Variants in GREB1L observed in about 807,000 individuals in gnomAD.
GREB1L encodes the protein GREB1 like retinoic acid receptor coactivator.
A neutral mutation model predicts 200.8 loss-of-function variants in GREB1L; 17 were observed. That is an observed-to-expected ratio of 0.08 (90% CI 0.06 to 0.13). The LOEUF is 0.13. GREB1L is among the 10% of genes least tolerant of loss of function. GREB1L has a pLI of 1.00. For synonymous variants in GREB1L, 789 were observed against 893.0 expected (o/e 0.88, Z 2.08); for missense variants, 1,657 against 2,367.7 (o/e 0.70, Z 6.23).
chr18:21,492,994 A>G (rs768957058), intron 19 of GREB1L, among the ~76,000 whole-genome samples: 8 of 152,170 alleles, frequency 5.3e-5, no homozygotes, highest in Admixed American at 6.5e-5. Flanking sequence ...TCTCAAAATC[A>G]CTGGATCACA....
chr18:21,455,670 C>T (rs2034725415), intron 15 of GREB1L, among the ~76,000 whole-genome samples: 1 of 149,612 alleles, frequency 6.7e-6, no homozygotes, highest in African/African-American at 2.5e-5. Flanking sequence ...GAGTGAGACC[C>T]TCTCCCAAAA....
intron 7 of GREB1L, among the ~76,000 whole-genome samples, chr18:21,438,729 C>A (rs1315924895): frequency 6.6e-6 from 1 of 151,168 alleles, no homozygotes; most frequent in Non-Finnish European, 1.5e-5. Context: ...GAGGCCGAGG[C>A]GGGCGGATCA....
chr18:21,255,662 A>T (rs993747563), intron 1 of GREB1L, among the ~76,000 whole-genome samples: 1 of 152,172 alleles, frequency 6.6e-6, no homozygotes, highest in Non-Finnish European at 1.5e-5. Flanking sequence ...TGACCACTGG[A>T]GTTTTCATTA....
At chr18:21,418,323 T>A (rs1419171874) in intron 7 of GREB1L, among the ~76,000 whole-genome samples, 3 of 152,114 alleles carry the variant, frequency 2.0e-5, no homozygotes, top group African/African-American at 7.2e-5. Flanking sequence ...GAAGCTCAAT[T>A]CCCTTATATA....
At chr18:21,312,434 A>G (rs1373130126) in intron 1 of GREB1L, among the ~76,000 whole-genome samples, 1 of 152,110 alleles carries the variant, frequency 6.6e-6, no homozygotes, top group Admixed American at 6.6e-5. Context: ...AGTAATTCAC[A>G]CTCACACCAA....
rs751114446 is a variant in GREB1L, at chr18:21,518,124, C to A, written c.5362C>A (p.Leu1788Ile). The change falls in exon 31 of 33, where the codon CTC becomes ATC. Residue 1788 changes from leucine to isoleucine, a missense_variant. Transcript: ENST00000424526. Reference protein sequence around the residue: ...HTLLAAPAQFLLEKFLQHASY... With the variant: ...HTLLAAPAQFILEKFLQHASY... ...ACTACTGGCAGCCCCTGCACAGTTTCTCCTGGAGAAATTCCTTCAGCACGC... is the reference window on the plus strand; with the variant it reads ...ACTACTGGCAGCCCCTGCACAGTTTATCCTGGAGAAATTCCTTCAGCACGC... 6.4e-7 allele frequency: 1 copy of A among 1,551,676 alleles called. No individual in the cohort carries two copies. Among genetic ancestry groups the A allele is most frequent in the South Asian group, 1.2e-5 (1 of 84,054 alleles).
rs2039382559 is a variant in GREB1L, at chr18:21,348,263, C to T, written c.-119-17764C>T. On this transcript the variant is annotated intron_variant, in intron 1 of 32. Transcript: ENST00000424526. ...CCTGGCTTGCTTGACTCTTAAATGA[C>T]AGTGTTTCTCATGGTTTCCTCCTGG... Among the ~76,000 whole-genome samples, 2 of 151,770 alleles carry T rather than the reference C, an allele frequency of 1.3e-5. 1 individual carries two copies. The highest frequency in any genetic ancestry group is 4.2e-4 in the South Asian group (2 of 4,794).
At chr18:21,333,686 AAAAAAG>A (rs2039141801) in intron 1 of GREB1L, among the ~76,000 whole-genome samples, 1 of 151,828 alleles carries the variant, frequency 6.6e-6, no homozygotes, top group Admixed American at 6.6e-5. Context: ...AAAAAAAAAA[AAAAAAG>A]AATTCTAGTC....
intron 19 of GREB1L, among the ~76,000 whole-genome samples, chr18:21,492,573 AT>A (rs2036385113): frequency 6.6e-6 from 1 of 152,066 alleles, no homozygotes; most frequent in Non-Finnish European, 1.5e-5. Flanking sequence ...GTCCTAAATA[AT>A]TTACCCCTCT....
At chr18:21,265,223 G>T (rs1427762474) in intron 1 of GREB1L, among the ~76,000 whole-genome samples, 1 of 152,032 alleles carries the variant, frequency 6.6e-6, no homozygotes, top group African/African-American at 2.4e-5. Context: ...TAAAATTTAG[G>T]ACAAGTTCAC....
At chr18:21,419,150 G>GTGTA (rs1396731230) in intron 7 of GREB1L, among the ~76,000 whole-genome samples, 1 of 152,154 alleles carries the variant, frequency 6.6e-6, no homozygotes, top group Non-Finnish European at 1.5e-5. Flanking sequence ...TATAGCCTAT[G>GTGTA]TGTATAGTGG....
chr18:21,442,553 G>A (rs1028212587), intron 10 of GREB1L, among the ~76,000 whole-genome samples: 1 of 152,108 alleles, frequency 6.6e-6, no homozygotes, highest in Middle Eastern at 3.2e-3. Context: ...GTCCTTTGGT[G>A]CCTGCCTTTT....
intron 1 of GREB1L, among the ~76,000 whole-genome samples, chr18:21,304,982 C>CTT (rs755417202): frequency 6.9e-5 from 10 of 144,638 alleles, no homozygotes; most frequent in African/African-American, 1.5e-4. Context: ...CTGTGTTAAT[C>CTT]TTTTTTTTTT....
intron 1 of GREB1L, among the ~76,000 whole-genome samples, chr18:21,355,193 A>ATTT (rs113751730): frequency 1.4e-5 from 2 of 139,404 alleles, no homozygotes; most frequent in Non-Finnish European, 1.6e-5. Context: ...CTTTTGTTAA[A>ATTT]TTTTTTTTTT....
At chr18:21,503,710 G>T (rs1030737228) in intron 23 of GREB1L, among the ~76,000 whole-genome samples, 1 of 151,880 alleles carries the variant, frequency 6.6e-6, no homozygotes, top group Non-Finnish European at 1.5e-5. Context: ...CCAAGTAGCT[G>T]GGATTAAAGG....
At chr18:21,431,640 A>C (rs2033158223) in intron 7 of GREB1L, among the ~76,000 whole-genome samples, 1 of 152,116 alleles carries the variant, frequency 6.6e-6, no homozygotes, top group Non-Finnish European at 1.5e-5. Flanking sequence ...GTTAGTTTAC[A>C]GTGTTGTTCA....
At chr18:21,264,746 T>G (rs1418619626) in intron 1 of GREB1L, among the ~76,000 whole-genome samples, 1 of 147,654 alleles carries the variant, frequency 6.8e-6, no homozygotes, top group African/African-American at 2.5e-5. Flanking sequence ...ACTGAGGAAT[T>G]ATAGTCTCTA....
chr18:21,261,242 C>T (rs2037885488), intron 1 of GREB1L, among the ~76,000 whole-genome samples: 1 of 151,990 alleles, frequency 6.6e-6, no homozygotes, highest in Admixed American at 6.6e-5. Context: ...AAAATTTAGT[C>T]TTACACTTAG....
chr18:21,270,147 A>G (rs2038054723), intron 1 of GREB1L, among the ~76,000 whole-genome samples: 1 of 151,690 alleles, frequency 6.6e-6, no homozygotes, highest in Non-Finnish European at 1.5e-5. Flanking sequence ...AAACCTGTCT[A>G]TGAGCTAGTG....
Sources: allele counts gnomAD v4.1 joint callset (sites outside exome capture counted in the v4.1 genomes callset), GRCh38; gene constraint gnomAD v4.1.1; transcripts MANE v1.5; gene names NCBI Gene and HGNC (gene_info 2026-07-23, HGNC 2026-07-21).